The following SRP54 variants were observed in gnomAD, a reference collection of about 807,000 sequenced individuals.
SRP54 encodes the protein signal recognition particle subunit SRP54.
SRP54 carries 10 observed loss-of-function variants against 64.8 expected under a neutral mutation model. The ratio of observed to expected loss-of-function variants is 0.15; its 90% CI spans 0.10 to 0.26. The LOEUF is 0.26. Ranked by LOEUF, SRP54 falls within the 10% of genes least tolerant of loss-of-function variation. The pLI is 1.00. For missense variants in SRP54, 325 were observed against 613.7 expected (o/e 0.53, Z 4.97); for synonymous variants, 193 against 185.6 (o/e 1.04, Z -0.32).
intron 8 of SRP54, 44 bp from the exon 9 acceptor site, chr14:35,013,302 A>G (rs768720014): frequency 9.6e-6 from 15 of 1,560,618 alleles, no homozygotes; most frequent in Middle Eastern, 3.5e-4. Context: ...CTTAGGATCA[A>G]TAAAAATCTT....
Position 35,013,287 on chromosome 14 carries a change from A to AT in SRP54, c.637-56dup, listed in dbSNP as rs2044384937. 2.7e-6 allele frequency: 4 copies of AT among 1,486,634 alleles called. No homozygotes were observed. The South Asian group carries it at 4.6e-5, about 17-fold the overall frequency. The allele number at this position is 1,486,634 out of a possible 1,614,324, so 92.1% of individuals were successfully genotyped here. ...TTGTTTTATAGCTTCTAATGATGAC[A>AT]TTTGCTTAGGATCAATAAAAATCTT... is the stretch of plus-strand genomic sequence containing the variant. On this transcript the variant is annotated intron_variant, in intron 8 of 15. Transcript: ENST00000216774.
intron 14 of SRP54, among the ~76,000 whole-genome samples, chr14:35,025,248 TATTA>T (rs1186880743): frequency 2.0e-5 from 3 of 152,308 alleles, no homozygotes; most frequent in South Asian, 2.1e-4. Context: ...TTTCCAAAAA[TATTA>T]ATTAGACAAG....
At chr14:35,025,763 T>G (rs2044610882) in intron 14 of SRP54, among the ~76,000 whole-genome samples, 1 of 152,220 alleles carries the variant, frequency 6.6e-6, no homozygotes. Context: ...AACATAATCT[T>G]CTCTTTCATT....
At chr14:35,017,108 G>T (rs764705305) in intron 11 of SRP54, among the ~76,000 whole-genome samples, 2 of 152,116 alleles carry the variant, frequency 1.3e-5, no homozygotes, top group Non-Finnish European at 2.9e-5. Flanking sequence ...GCCTGCCTCG[G>T]CCTCCCAAAG....
At chr14:34,996,620 TC>T in intron 1 of SRP54, 56 bp from the exon 2 acceptor site, 1 of 881,046 alleles carries the variant, frequency 1.1e-6, no homozygotes. Context: ...TCTTTAGAAC[TC>T]TTCAGTCATG....
chr14:35,011,499 T>C lies in SRP54; in HGVS notation c.486-10T>C. On this transcript the variant is annotated splice_polypyrimidine_tract_variant and intron_variant, in intron 7 of 15. Transcript: ENST00000216774. ...GTCGTTTTGTTAAATCATTTGTCCA[T>C]GTTATATAGCTATACAGAAATGGAT... The C allele has an allele frequency of 6.9e-7, 1 of 1,443,176 alleles. No individual in the cohort carries two copies. The highest frequency in any genetic ancestry group is 9.2e-7 in the Non-Finnish European group (1 of 1,083,642). The allele number at this position is 1,443,176 out of a possible 1,614,324, so 89.4% of individuals were successfully genotyped here. A position where few individuals can be genotyped will look rare whatever the true frequency, so the allele number is the denominator to read the frequency against.
chr14:35,006,047 G>A (rs533007482), intron 4 of SRP54, among the ~76,000 whole-genome samples: 2 of 151,912 alleles, frequency 1.3e-5, no homozygotes, highest in South Asian at 4.2e-4. Context: ...CACCGTGTTA[G>A]CCAGGATGGT....
At chr14:35,004,906 T>C (rs955739109) in intron 4 of SRP54, among the ~76,000 whole-genome samples, 1 of 152,254 alleles carries the variant, frequency 6.6e-6, no homozygotes, top group Admixed American at 6.5e-5. Flanking sequence ...CTCATGGCTT[T>C]CCTTGAAATT....
chr14:35,011,804 T>A, intron 8 of SRP54, 145 bp downstream of exon 8: 2 of 596,524 alleles, frequency 3.4e-6, no homozygotes, highest in Non-Finnish European at 5.2e-6. Context: ...CACCTATATC[T>A]ATGTGGTAGG....
intron 5 of SRP54, among the ~76,000 whole-genome samples, chr14:35,007,968 TAAAA>T (rs556873989): frequency 1.5e-3 from 231 of 152,044 alleles, no homozygotes; most frequent in African/African-American, 5.3e-3. Flanking sequence ...TTTCTTTTAT[TAAAA>T]AAAGACCATT....
At chr14:35,002,319 A>C (rs72680642) in intron 4 of SRP54, among the ~76,000 whole-genome samples, 1 of 152,108 alleles carries the variant, frequency 6.6e-6, no homozygotes, top group Non-Finnish European at 1.5e-5. Flanking sequence ...GTGCCACTGC[A>C]CTCCCGACTG....
chr14:35,009,970 A>T (rs896492624), intron 7 of SRP54, among the ~76,000 whole-genome samples: 10 of 151,962 alleles, frequency 6.6e-5, no homozygotes, highest in Admixed American at 6.6e-5. Context: ...CAACACAGTG[A>T]AACCCTGTCT....
chr14:35,028,201 GGCAGTTGCTAAT>G lies in SRP54; in HGVS notation c.1423+25_1423+36del, dbSNP rs2044665673. ...TCACATGGGTAAATACCAAGTTGTT[GGCAGTTGCTAAT>G]GCAGTTTAATTTATAAGGGTTGAGT... is the stretch of plus-strand genomic sequence containing the variant. On this transcript the variant is annotated intron_variant, in intron 15 of 15. Transcript: ENST00000216774. The G allele has an allele frequency of 6.6e-7, 1 of 1,522,406 alleles. No homozygotes were observed. The highest frequency in any genetic ancestry group is 1.4e-5 in the African/African-American group (1 of 72,616). 94.3% of individuals were successfully genotyped at this position (1,522,406 alleles called of 1,614,324 possible).
intron 5 of SRP54, among the ~76,000 whole-genome samples, chr14:35,008,090 A>G (rs1014474505): frequency 1.3e-5 from 2 of 152,158 alleles, no homozygotes; most frequent in African/African-American, 2.4e-5. Flanking sequence ...CCAGCATACT[A>G]TAGATCTTCA....
rs2044475523 is a variant in SRP54 at position 35,018,289 on chromosome 14, C to A, written c.974-403C>A. ...GATACCTAAGCTATTTAAGAAACTC[C>A]AAACAATCTTCTAAAGTGTCTTGCT... On this transcript the variant is annotated intron_variant, in intron 11 of 15. Transcript: ENST00000216774. 2.0e-5 allele frequency among the ~76,000 whole-genome samples: 3 copies of A among 152,122 alleles called. No individual in the cohort carries two copies. The South Asian group carries it at 6.2e-4, about 32-fold the overall frequency.
In SRP54 at chr14:34,983,205, T is replaced by C. The variant is rs2043833265; in HGVS notation, c.-44T>C. ...CCCCTCAGGGCCACGGCTTTAGCGG[T>C]GTCTTTTGCGGTAAGTGTCTGCTTT... On this transcript the variant is annotated 5_prime_UTR_variant, in exon 1 of 16. Transcript: ENST00000216774. 1 of 152,358 alleles carries C rather than the reference T, an allele frequency of 6.6e-6. No homozygotes were observed. The highest frequency in any genetic ancestry group is 2.1e-4 in the South Asian group (1 of 4,836). 9.4% of individuals were successfully genotyped at this position (152,358 alleles called of 1,614,324 possible).
At chr14:35,017,155 G>A (rs1486464813) in intron 11 of SRP54, among the ~76,000 whole-genome samples, 1 of 151,958 alleles carries the variant, frequency 6.6e-6, no homozygotes, top group Non-Finnish European at 1.5e-5. Context: ...TTGCCTGGCC[G>A]CTCCTTCCTT....
intron 4 of SRP54, among the ~76,000 whole-genome samples, chr14:35,006,396 G>A (rs777631748): frequency 1.8e-4 from 27 of 152,186 alleles, no homozygotes; most frequent in Non-Finnish European, 3.4e-4. Flanking sequence ...CTAGCCACAT[G>A]TGGTTATTGA....
At chr14:35,011,350 G>A (rs932890443) in intron 7 of SRP54, among the ~76,000 whole-genome samples, 159 bp from the exon 8 acceptor site, 1 of 152,140 alleles carries the variant, frequency 6.6e-6, no homozygotes, top group African/African-American at 2.4e-5. Context: ...TTTTTTAGAA[G>A]TAGATTCTGT....
Sources: gnomAD v4.1 joint callset for allele counts (sites outside exome capture counted in the v4.1 genomes callset) on GRCh38, gnomAD v4.1.1 for gene constraint, MANE v1.5 for transcripts, NCBI Gene and HGNC (gene_info 2026-07-23, HGNC 2026-07-21) for gene names.